The following RCHY1 variants were observed in gnomAD, a reference collection of about 807,000 sequenced individuals.
RCHY1 encodes the protein RING finger and CHY zinc finger domain-containing protein 1.
RCHY1 carries 21 observed loss-of-function variants against 41.6 expected under a neutral mutation model. The observed-to-expected ratio is 0.51, with a 90% CI of 0.36 to 0.73. The LOEUF is 0.73. Among genes scored for constraint, RCHY1 ranks in the 30% least tolerant of loss-of-function variants. RCHY1 has a pLI of 0.00. For synonymous variants in RCHY1, 79 were observed against 102.9 expected, an observed-to-expected ratio of 0.77 and a Z score of 1.41; for missense variants, 265 against 325.3, an observed-to-expected ratio of 0.81 and a Z score of 1.43.
At chr4:75,514,501 C>G (rs754627645), upstream of RCHY1, 1 of 524,480 alleles carries the variant, frequency 1.9e-6, no homozygotes, top group East Asian at 2.9e-5. Context: ...TGACGTTAGT[C>G]GCAGTCTTCG....
In RCHY1 at chr4:75,514,282, G is replaced by T. The variant is rs1218848396; in HGVS notation, c.5C>A (p.Ala2Glu). ...GGCGCCATCTTCCCGGGCCGTCGCC[G>T]CCATCTCCTCCACCTCCCCTCACAT... MAATAREDGASG... is the reference protein window; with the variant it reads MEATAREDGASG... The change falls in exon 1 of 9, where the codon GCG becomes GAG. Residue 2 changes from alanine to glutamate, a missense_variant. Transcript: ENST00000324439. The T allele has an allele frequency of 6.2e-7, 1 of 1,611,506 alleles. No individual in the cohort carries two copies. Among genetic ancestry groups the T allele is most frequent in the African/African-American group, 1.3e-5 (1 of 74,842 alleles).
At chr4:75,490,555 A>G in intron 8 of RCHY1, 26 bp downstream of exon 8, 2 of 1,590,092 alleles carry the variant, frequency 1.3e-6, no homozygotes, top group Non-Finnish European at 1.7e-6. Flanking sequence ...GGAGTCTACA[A>G]AGTTTTAAGT....
intron 8 of RCHY1, among the ~76,000 whole-genome samples, chr4:75,487,632 T>TATTCATAATATATATATTCATA (rs1560512884): frequency 2.8e-4 from 4 of 14,144 alleles, no homozygotes; most frequent in Non-Finnish European, 4.4e-4. Flanking sequence ...ATATTCATAA[T>TATTCATAATATATATATTCATA]ATATATATTC....
Position 75,491,714 on chromosome 4 carries a change from G to A in RCHY1, c.509+10C>T, listed in dbSNP as rs1179781441. On this transcript the variant is annotated intron_variant, in intron 6 of 8. Transcript: ENST00000324439. The stretch of plus-strand genomic sequence containing the variant: ...TTTCAAACATCATTGAGAAAAAGAT[G>A]TTACTTTACCTATGTAAAAGATGTC... 6.2e-7 allele frequency: 1 copy of A among 1,610,444 alleles called. No homozygotes were observed. The highest frequency in any genetic ancestry group is 8.5e-7 in the Non-Finnish European group (1 of 1,177,600).
At position 75,502,539 on chromosome 4, in the gene RCHY1, C is replaced by CA. The variant is rs1167280268; in HGVS notation, c.326+6280dup. ...TGGGCGCCAGAGTGAGACTCCGTCT[C>CA]AAAAAAAAAGAGAAAAGAAATCTTC... On this transcript the variant is annotated intron_variant, in intron 3 of 8. Coordinates refer to ENST00000324439, the MANE Select transcript of RCHY1 (RefSeq NM_015436.4). Among the ~76,000 whole-genome samples, 365 of 148,766 alleles carry CA rather than the reference C, an allele frequency of 2.5e-3. 1 individual carries two copies. The highest frequency in any genetic ancestry group is 8.7e-3 in the African/African-American group (353 of 40,524).
intron 8 of RCHY1, among the ~76,000 whole-genome samples, chr4:75,488,349 C>T (rs1366104883): frequency 6.6e-6 from 1 of 152,032 alleles, no homozygotes; most frequent in East Asian, 1.9e-4. Context: ...GAAAACTAGA[C>T]AAGCAAGCAA....
At chr4:75,514,696 C>G (rs1417005693), upstream of RCHY1, 1 of 164,346 alleles carries the variant, frequency 6.1e-6, no homozygotes, top group African/African-American at 2.4e-5. Flanking sequence ...CCTCCGGTGG[C>G]GGGGAGCCTG....
At chr4:75,486,935 C>T (rs986970311) in intron 8 of RCHY1, among the ~76,000 whole-genome samples, 20 of 152,050 alleles carry the variant, frequency 1.3e-4, no homozygotes, top group Non-Finnish European at 1.3e-4. Context: ...GCCAAGATTG[C>T]TCCACTGTAC....
At position 75,493,988 on chromosome 4, in the gene RCHY1, T is replaced by G. The variant is rs971772340; in HGVS notation, c.405+113A>C. The G allele has an allele frequency of 4.7e-6, 3 of 636,628 alleles. No homozygotes were observed. The African/African-American group carries it at 5.8e-5, about 12-fold the overall frequency. The allele number at this position is 636,628 out of a possible 1,614,324, so 39.4% of individuals were successfully genotyped here. The stretch of plus-strand genomic sequence containing the variant: ...AATACTGCTTTTCAAAAAAGCAATA[T>G]AGTTGCACTTGGAAATACATGAAAA... On this transcript the variant is annotated intron_variant, in intron 4 of 8. Transcript: ENST00000324439.
At chr4:75,493,415 C>CT (rs1722921945) in intron 4 of RCHY1, among the ~76,000 whole-genome samples, 1 of 151,838 alleles carries the variant, frequency 6.6e-6, no homozygotes, top group Non-Finnish European at 1.5e-5. Flanking sequence ...TACTATACTG[C>CT]TAAGTAAATG....
chr4:75,506,690 T>G (rs1578236652), intron 3 of RCHY1, among the ~76,000 whole-genome samples: 1 of 146,640 alleles, frequency 6.8e-6, no homozygotes, highest in South Asian at 2.1e-4. Context: ...TGGGATGGAG[T>G]CTCAGAAGAG....
intron 8 of RCHY1, 77 bp downstream of exon 8, chr4:75,490,503 TG>T: frequency 1.8e-6 from 2 of 1,129,118 alleles, no homozygotes; most frequent in Non-Finnish European, 2.5e-6. Flanking sequence ...ATTTTTTTTT[TG>T]GCAAATTCAA....
At chr4:75,509,813 CT>C in intron 1 of RCHY1, 2 of 170,498 alleles carry the variant, frequency 1.2e-5, no homozygotes, top group Non-Finnish European at 2.4e-5. Flanking sequence ...TAAGAAGTGC[CT>C]TTTGTCTCCC....
intron 3 of RCHY1, among the ~76,000 whole-genome samples, chr4:75,507,792 T>C (rs981425815): frequency 6.6e-6 from 1 of 152,110 alleles, no homozygotes; most frequent in East Asian, 1.9e-4. Flanking sequence ...TTTAAGTATG[T>C]GACCGCTGAA....
chr4:75,512,685 T>C (rs1171607279), intron 1 of RCHY1, among the ~76,000 whole-genome samples: 1 of 152,080 alleles, frequency 6.6e-6, no homozygotes, highest in Non-Finnish European at 1.5e-5. Context: ...ACCCCAAGAA[T>C]ACCCTATAAG....
intron 8 of RCHY1, among the ~76,000 whole-genome samples, chr4:75,488,087 A>C (rs934424153): frequency 6.6e-6 from 1 of 151,408 alleles, no homozygotes. Flanking sequence ...GATCTGTTAA[A>C]TTACATAGGA....
rs188561704 is a variant in RCHY1 at position 75,497,332 on chromosome 4, G to C, written c.327-3153C>G. On this transcript the variant is annotated intron_variant, in intron 3 of 8. Coordinates refer to ENST00000324439, the MANE Select transcript of RCHY1 (RefSeq NM_015436.4). ...ACCTAACTGGATGTGTTTACCTACA[G>C]TAACCTACTCTAGTACCAATCAATC... Among the ~76,000 whole-genome samples, 534 of 152,228 alleles carry C rather than the reference G, an allele frequency of 3.5e-3. 4 individuals are homozygous for C. Among genetic ancestry groups the C allele is most frequent in the African/African-American group, 0.013 (522 of 41,550 alleles).
intron 3 of RCHY1, among the ~76,000 whole-genome samples, chr4:75,506,434 A>G (rs1300031179): frequency 6.6e-6 from 1 of 152,046 alleles, no homozygotes; most frequent in Non-Finnish European, 1.5e-5. Context: ...TGATCAATAC[A>G]TTCAAAGAAA....
intron 3 of RCHY1, among the ~76,000 whole-genome samples, chr4:75,499,969 G>A (rs1234312603): frequency 6.6e-6 from 1 of 151,948 alleles, no homozygotes; most frequent in Non-Finnish European, 1.5e-5. Flanking sequence ...GGCAACAAGG[G>A]GAAACCCCAA....
Sources: allele counts gnomAD v4.1 joint callset (sites outside exome capture counted in the v4.1 genomes callset), GRCh38; gene constraint gnomAD v4.1.1; transcripts MANE v1.5; gene names NCBI Gene and HGNC (gene_info 2026-07-23, HGNC 2026-07-21).